CSE1L: variants seen among roughly 807,000 people sequenced by gnomAD.
CSE1L encodes chromosome segregation 1 like.
CSE1L carries 24 observed loss-of-function variants against 120.4 expected under a neutral mutation model. The ratio of observed to expected loss-of-function variants is 0.20; its 90% confidence interval spans 0.14 to 0.28. The LOEUF (loss-of-function observed/expected upper bound fraction) is 0.28, where lower values mean the gene tolerates loss of function less well. CSE1L is among the 10% of genes least tolerant of loss of function. The pLI is 1.00. For synonymous variants in CSE1L, 402 were observed against 398.3 expected (o/e 1.01, Z -0.11); for missense variants, 830 against 1,145.2 (o/e 0.72, Z 3.97).
intron 1 of CSE1L, among the ~76,000 whole-genome samples, chr20:49,053,573 A>T (rs1451714259): frequency 6.6e-6 from 1 of 150,550 alleles, no homozygotes; most frequent in African/African-American, 2.4e-5. Flanking sequence ...CTGGTCTCAA[A>T]CTCTTGACCT....
intron 1 of CSE1L, among the ~76,000 whole-genome samples, chr20:49,047,433 C>T (rs768394016): frequency 1.3e-5 from 2 of 152,006 alleles, no homozygotes; most frequent in African/African-American, 4.8e-5. Flanking sequence ...ATTATTTGCA[C>T]ATGCCTTTTG....
In CSE1L at chr20:49,096,564, A is replaced by G. The variant is rs997145053; in HGVS notation, c.*126A>G. 1 of 730,220 alleles carries G rather than the reference A, an allele frequency of 1.4e-6. No homozygotes were observed. Among genetic ancestry groups the G allele is most frequent in the Non-Finnish European group, 2.3e-6 (1 of 430,868 alleles). 45.2% of individuals were successfully genotyped at this position (730,220 alleles called of 1,614,324 possible). A position where few individuals can be genotyped will look rare whatever the true frequency, so the allele number is the denominator to read the frequency against. On this transcript the variant is annotated 3_prime_UTR_variant, in exon 25 of 25. Transcript: ENST00000262982. ...TGTCACGAATTCCATCTTGTAAAGG[A>G]TATTAAATGTTGCTTTAACCTGAAC...
At chr20:49,049,069 C>T (rs1447349605) in intron 1 of CSE1L, among the ~76,000 whole-genome samples, 3 of 152,146 alleles carry the variant, frequency 2.0e-5, no homozygotes, top group Admixed American at 6.5e-5. Flanking sequence ...ACAAGAAGAA[C>T]TTGGAAATTT....
chr20:49,050,663 G>A (rs1055021513), intron 1 of CSE1L, among the ~76,000 whole-genome samples: 5 of 150,986 alleles, frequency 3.3e-5, no homozygotes, highest in African/African-American at 9.8e-5. Context: ...CGCCTGCTTC[G>A]GCCTCCCAAA....
intron 1 of CSE1L, among the ~76,000 whole-genome samples, chr20:49,055,102 A>T (rs1361339099): frequency 2.0e-5 from 3 of 152,238 alleles, no homozygotes; most frequent in African/African-American, 7.2e-5. Flanking sequence ...ACTGTGGATT[A>T]TACAACATCC....
In CSE1L at chr20:49,089,692, A is replaced by G; in HGVS notation, c.2127A>G (p.Gln709=). 3 of 1,614,210 alleles carry G rather than the reference A, an allele frequency of 1.9e-6. No individual in the cohort carries two copies. Among genetic ancestry groups the G allele is most frequent in the South Asian group, 1.1e-5 (1 of 91,088 alleles). ...TTCCTGCTCTAGTGAGGCTTCTTCA[A>G]GCATTCTTAGAACGCGGTTCAAACA... The part of the protein sequence containing the change: ...GNIPALVRLL[Q]AFLERGSNTI... The change falls in exon 19 of 25, where the codon CAA becomes CAG. Residue 709 remains glutamine (Q), a synonymous_variant. Coordinates refer to ENST00000262982, the MANE Select transcript of CSE1L (RefSeq NM_001316.4).
rs929667519 is a variant in CSE1L, at chr20:49,090,958, G to A, written c.2301G>A (p.Arg767=). ...TTAGTGAATCAGTTGACCAATATAG[G>A]AAACAAATCTTCATTCTGCTATTCC... ...HMPPESVDQY[R]KQIFILLFQR... The change falls in exon 21 of 25, where the codon AGG becomes AGA. Residue 767 remains arginine, a synonymous_variant. Coordinates refer to ENST00000262982, the MANE Select transcript of CSE1L (RefSeq NM_001316.4). 1.4e-5 allele frequency: 22 copies of A among 1,610,836 alleles called. No individual in the cohort carries two copies. Among genetic ancestry groups the A allele is most frequent in the Non-Finnish European group, 1.5e-5 (18 of 1,177,934 alleles).
In CSE1L at chr20:49,077,051, A is replaced by G. The variant is rs759342790; in HGVS notation, c.1407A>G (p.Leu469=). ...EFFVNHILPD[L]KSANVNEFPV... ...TTGTGAATCACATCCTCCCTGATTT[A>G]AAATCAGCTAATGGTGAGTTGTGAA... The change falls in exon 13 of 25, where the codon TTA becomes TTG. Residue 469 remains leucine (L), a synonymous_variant. Transcript: ENST00000262982. 1 of 1,606,290 alleles carries G rather than the reference A, an allele frequency of 6.2e-7. No individual in the cohort carries two copies. Among genetic ancestry groups the G allele is most frequent in the South Asian group, 1.1e-5 (1 of 89,474 alleles).
intron 7 of CSE1L, 125 bp downstream of exon 7, chr20:49,068,947 CTATT>C (rs750884725): frequency 2.2e-4 from 142 of 660,276 alleles, no homozygotes; most frequent in African/African-American, 1.8e-3. Flanking sequence ...TTTTCTGACT[CTATT>C]TATCTATAGT....
intron 3 of CSE1L, among the ~76,000 whole-genome samples, chr20:49,065,586 AT>A (rs1169151375): frequency 1.0e-3 from 78 of 76,344 alleles, no homozygotes; most frequent in African/African-American, 2.4e-3. Context: ...TAAAATGGAA[AT>A]TTTTTTTTTT....
At chr20:49,095,862 TAAA>T (rs1013958774) in intron 24 of CSE1L, among the ~76,000 whole-genome samples, 1 of 152,090 alleles carries the variant, frequency 6.6e-6, no homozygotes, top group South Asian at 2.1e-4. Flanking sequence ...TCCCGTTTCT[TAAA>T]AAACATATAT....
intron 2 of CSE1L, among the ~76,000 whole-genome samples, chr20:49,059,855 G>C (rs1206734874): frequency 6.6e-6 from 1 of 151,718 alleles, no homozygotes; most frequent in East Asian, 1.9e-4. Context: ...ACTCCAGCCT[G>C]GGTGACAGAG....
At chr20:49,055,087 C>G (rs1440065681) in intron 1 of CSE1L, among the ~76,000 whole-genome samples, 1 of 152,136 alleles carries the variant, frequency 6.6e-6, no homozygotes, top group Non-Finnish European at 1.5e-5. Flanking sequence ...TTTTTGGATG[C>G]ATGTACTGTG....
At chr20:49,082,372 G>A (rs1185040260) in intron 14 of CSE1L, among the ~76,000 whole-genome samples, 1 of 152,096 alleles carries the variant, frequency 6.6e-6, no homozygotes, top group Non-Finnish European at 1.5e-5. Context: ...TTGAACTCCT[G>A]ACCTCAGGTG....
chr20:49,053,353 T>G (rs1230585750), intron 1 of CSE1L, among the ~76,000 whole-genome samples: 3 of 134,128 alleles, frequency 2.2e-5, no homozygotes, highest in African/African-American at 8.7e-5. Flanking sequence ...CTAACTTTTT[T>G]TTTTTTTTTT....
At chr20:49,053,960 C>G (rs2091788058) in intron 1 of CSE1L, among the ~76,000 whole-genome samples, 1 of 152,192 alleles carries the variant, frequency 6.6e-6, no homozygotes, top group African/African-American at 2.4e-5. Context: ...CCAGTGGAGA[C>G]TCTGGATTAA....
At chr20:49,086,227 A>G (rs2092055952) in intron 16 of CSE1L, among the ~76,000 whole-genome samples, 1 of 152,212 alleles carries the variant, frequency 6.6e-6, no homozygotes, top group Admixed American at 6.5e-5. Context: ...AGCACTTTTC[A>G]GAGAAACTCC....
chr20:49,047,120 G>A (rs1002646119), intron 1 of CSE1L, among the ~76,000 whole-genome samples: 2 of 152,210 alleles, frequency 1.3e-5, no homozygotes, highest in Admixed American at 6.5e-5. Context: ...TGCTGTGGTG[G>A]TTCGGAGCAT....
Position 49,063,389 on chromosome 20 carries a change from A to G in CSE1L, c.228+45A>G, listed in dbSNP as rs552831409. 18 of 1,278,410 alleles carry G rather than the reference A, an allele frequency of 1.4e-5. 1 individual carries two copies. In the South Asian group the frequency reaches 1.5e-4, roughly 11 times the overall value. The allele number at this position is 1,278,410 out of a possible 1,614,324, so 79.2% of individuals were successfully genotyped here. On this transcript the variant is annotated intron_variant, in intron 3 of 24. Coordinates refer to ENST00000262982, the MANE Select transcript of CSE1L (RefSeq NM_001316.4). ...ATAATTTAATACCCTGTATGTTTATAAGGTTTATATAAGCAGTGTTCTTCA... is the reference window on the plus strand; with the variant it reads ...ATAATTTAATACCCTGTATGTTTATGAGGTTTATATAAGCAGTGTTCTTCA...
Sources: allele counts gnomAD v4.1 joint callset (sites outside exome capture counted in the v4.1 genomes callset), GRCh38; gene constraint gnomAD v4.1.1; transcripts MANE v1.5; gene names NCBI Gene and HGNC (gene_info 2026-07-23, HGNC 2026-07-21).